The following NEBL variants were observed in gnomAD, a reference collection of about 807,000 sequenced individuals.
NEBL encodes the protein nebulette.
Under a neutral mutation model 140.2 loss-of-function variants are expected in NEBL, and 122 were observed. The observed-to-expected ratio is 0.87, with a 90% CI of 0.75 to 1.01. The LOEUF (loss-of-function observed/expected upper bound fraction) is 1.01, where lower values mean the gene tolerates loss of function less well. Among genes scored for constraint, NEBL ranks in the 50% least tolerant of loss-of-function variants. The pLI, the probability that NEBL is intolerant of heterozygous loss-of-function variation, is 0.00. For missense variants in NEBL, 1,365 were observed against 1,231.3 expected, an observed-to-expected ratio of 1.11 and a Z score of -1.62; for synonymous variants, 436 against 398.9, an observed-to-expected ratio of 1.09 and a Z score of -1.11.
Position 20,897,040 on chromosome 10 carries a change from AAAAAG to A in NEBL, c.82-16_82-12del, listed in dbSNP as rs1396170318. 1 of 1,613,056 alleles carries A rather than the reference AAAAAG, an allele frequency of 6.2e-7. No homozygotes were observed. Among genetic ancestry groups the A allele is most frequent in the African/African-American group, 1.3e-5 (1 of 74,838 alleles). On this transcript the variant is annotated splice_polypyrimidine_tract_variant and intron_variant, in intron 1 of 27. Transcript: ENST00000377122. ...AGGCTTATAGAAGACCTATTTGAAA[AAAAAG>A]AAAAGAACAGAAAGAACATTTTTCT...
intron 10 of NEBL, among the ~76,000 whole-genome samples, chr10:20,852,268 TTTAA>T (rs1203134642): frequency 4.6e-5 from 7 of 152,162 alleles, no homozygotes; most frequent in South Asian, 2.1e-4. Flanking sequence ...TTGACCATAG[TTTAA>T]TTAATTCCTA....
At chr10:21,252,753 C>T (rs1021003868) in intron 1 of NEBL, among the ~76,000 whole-genome samples, 1 of 152,110 alleles carries the variant, frequency 6.6e-6, no homozygotes, top group African/African-American at 2.4e-5. Flanking sequence ...GTCAGGAGTT[C>T]AAGACCAGCC....
chr10:21,045,299 G>GA (rs1834458927), intron 2 of NEBL, among the ~76,000 whole-genome samples: 1 of 152,162 alleles, frequency 6.6e-6, no homozygotes, highest in Non-Finnish European at 1.5e-5. Flanking sequence ...TAATTCATTG[G>GA]AAAATTTAAT....
At chr10:21,181,049 G>T (rs1841378361) in intron 3 of NEBL, among the ~76,000 whole-genome samples, 1 of 152,016 alleles carries the variant, frequency 6.6e-6, no homozygotes, top group Admixed American at 6.6e-5. Flanking sequence ...ATCCCTGGAG[G>T]TCAGAAGTTC....
chr10:20,976,387 A>T (rs551096129), intron 3 of NEBL, among the ~76,000 whole-genome samples: 1 of 151,992 alleles, frequency 6.6e-6, no homozygotes, highest in Non-Finnish European at 1.5e-5. Flanking sequence ...TGAAAAATAG[A>T]ATTACCATTC....
chr10:21,206,361 G>C (rs1841824542), intron 3 of NEBL, among the ~76,000 whole-genome samples: 1 of 152,210 alleles, frequency 6.6e-6, no homozygotes, highest in Non-Finnish European at 1.5e-5. Context: ...ACATCTTACA[G>C]AACTTGGAAT....
intron 2 of NEBL, among the ~76,000 whole-genome samples, chr10:21,076,716 T>C (rs1564502701): frequency 6.6e-6 from 1 of 152,150 alleles, no homozygotes; most frequent in Non-Finnish European, 1.5e-5. Flanking sequence ...TACTACAACA[T>C]GGATGAAACT....
At chr10:21,001,194 G>A (rs534617097) in intron 3 of NEBL, among the ~76,000 whole-genome samples, 1 of 152,210 alleles carries the variant, frequency 6.6e-6, no homozygotes, top group East Asian at 1.9e-4. Flanking sequence ...CCAGCCAGCC[G>A]ACAGACCGCC....
At chr10:20,816,956 T>C (rs1838778592) in intron 21 of NEBL, among the ~76,000 whole-genome samples, 1 of 152,040 alleles carries the variant, frequency 6.6e-6, no homozygotes, top group African/African-American at 2.4e-5. Flanking sequence ...CAGGAACACA[T>C]GCTGGTAGAA....
chr10:20,859,144 G>C (rs939605696), intron 8 of NEBL, among the ~76,000 whole-genome samples: 1 of 151,998 alleles, frequency 6.6e-6, no homozygotes, highest in African/African-American at 2.4e-5. Context: ...TTTTGATGTT[G>C]CTGTTTTTAT....
chr10:21,059,084 C>G (rs2131872704), intron 2 of NEBL, among the ~76,000 whole-genome samples: 1 of 152,336 alleles, frequency 6.6e-6, no homozygotes, highest in South Asian at 2.1e-4. Context: ...ATTAGACAGG[C>G]TTTACTATCA....
At chr10:20,906,001 C>T (rs1010409047) in intron 4 of NEBL, among the ~76,000 whole-genome samples, 11 of 152,146 alleles carry the variant, frequency 7.2e-5, no homozygotes, top group African/African-American at 2.4e-4. Flanking sequence ...CATAATTTTT[C>T]CTTCTTCAGG....
intron 4 of NEBL, among the ~76,000 whole-genome samples, chr10:20,929,328 G>A (rs1165556537): frequency 6.6e-6 from 1 of 151,778 alleles, no homozygotes; most frequent in African/African-American, 2.4e-5. Context: ...CAGCTATTAA[G>A]TATATTTACA....
rs77492055 is a variant in NEBL, at chr10:20,930,105, G to A, written c.357+31567C>T. 8.5e-3 allele frequency among the ~76,000 whole-genome samples: 1,287 copies of A among 152,110 alleles called. 21 individuals carry two copies. Among genetic ancestry groups the A allele is most frequent in the African/African-American group, 0.029 (1,199 of 41,470 alleles). ...TTCTCCCCTGAGTTTCACACTAGTA[G>A]AGAGAACAGCTTAACGGCCACCTCC... On this transcript the variant is annotated intron_variant, in intron 4 of 6. Transcript: ENST00000417816.
intron 4 of NEBL, among the ~76,000 whole-genome samples, chr10:20,952,904 C>CAAAAAAAAAAAAAAAAA (rs34713711): frequency 8.0e-5 from 5 of 62,338 alleles, no homozygotes; most frequent in Admixed American, 2.3e-4. Flanking sequence ...GACCCTGTCT[C>CAAAAAAAAAAAAAAAAA]AAAAAAAAAA....
At chr10:21,071,754 C>A (rs561268417) in intron 2 of NEBL, among the ~76,000 whole-genome samples, 1 of 152,238 alleles carries the variant, frequency 6.6e-6, no homozygotes, top group East Asian at 1.9e-4. Flanking sequence ...GAAATTTATT[C>A]TTTTGCAGTT....
chr10:21,002,772 A>G (rs1391857488), intron 3 of NEBL, among the ~76,000 whole-genome samples: 1 of 152,128 alleles, frequency 6.6e-6, no homozygotes, highest in African/African-American at 2.4e-5. Context: ...CGAGAACAAC[A>G]AGGGGGAAAT....
chr10:20,833,962 T>C (rs1588724488), intron 14 of NEBL, among the ~76,000 whole-genome samples: 1 of 152,214 alleles, frequency 6.6e-6, no homozygotes, highest in East Asian at 1.9e-4. Context: ...TATGCTTTGG[T>C]TGGCGCCATT....
intron 2 of NEBL, among the ~76,000 whole-genome samples, chr10:21,049,396 G>A (rs866996186): frequency 1.3e-5 from 2 of 152,074 alleles, no homozygotes; most frequent in African/African-American, 4.8e-5. Flanking sequence ...TTGTAGATTT[G>A]GGTGAGAACT....
Sources: allele counts gnomAD v4.1 joint callset (sites outside exome capture counted in the v4.1 genomes callset), GRCh38; gene constraint gnomAD v4.1.1; transcripts MANE v1.5; gene names NCBI Gene and HGNC (gene_info 2026-07-23, HGNC 2026-07-21).